Variants in CABCOCO1 observed in about 807,000 individuals in gnomAD.
CABCOCO1 encodes the protein ciliary associated calcium binding coiled-coil 1, also known as ciliary-associated calcium-binding coiled-coil protein 1.
A neutral mutation model predicts 35.7 loss-of-function variants in CABCOCO1; 28 were observed. That is an observed-to-expected ratio of 0.78 (90% CI 0.58 to 1.07). The LOEUF (loss-of-function observed/expected upper bound fraction) is 1.07. Ranked by LOEUF, CABCOCO1 falls within the 50% of genes least tolerant of loss-of-function variation. The probability of loss-of-function intolerance (pLI) is 0.00; values close to 1 mark genes in which losing one functional copy is unlikely to be tolerated. For missense variants in CABCOCO1, 326 were observed against 309.2 expected (o/e 1.05, Z -0.41); for synonymous variants, 95 against 100.1 (o/e 0.95, Z 0.30).
intron 2 of CABCOCO1, among the ~76,000 whole-genome samples, chr10:61,680,590 T>TATAC (rs1839715911): frequency 1.9e-5 from 1 of 53,394 alleles, no homozygotes; most frequent in Non-Finnish European, 3.8e-5. Flanking sequence ...ATATATAACA[T>TATAC]ATGTTATACA....
intron 5 of CABCOCO1, among the ~76,000 whole-genome samples, chr10:61,755,732 C>T (rs1390256471): frequency 6.6e-6 from 1 of 151,906 alleles, no homozygotes; most frequent in Non-Finnish European, 1.5e-5. Context: ...ACACTACACA[C>T]AAATCACTAT....
At chr10:61,744,468 G>A (rs1245552222) in intron 5 of CABCOCO1, among the ~76,000 whole-genome samples, 4 of 152,030 alleles carry the variant, frequency 2.6e-5, no homozygotes, top group African/African-American at 9.7e-5. Context: ...TTTACACTTT[G>A]TTTAAGCAAA....
chr10:61,688,964 G>A (rs982592209), intron 4 of CABCOCO1, among the ~76,000 whole-genome samples: 1 of 152,126 alleles, frequency 6.6e-6, no homozygotes, highest in Non-Finnish European at 1.5e-5. Flanking sequence ...TTTGACCACC[G>A]CATACAAATC....
intron 5 of CABCOCO1, among the ~76,000 whole-genome samples, chr10:61,732,790 A>T (rs1334869369): frequency 3.3e-5 from 5 of 152,082 alleles, no homozygotes; most frequent in Non-Finnish European, 7.4e-5. Flanking sequence ...GATTACAAGT[A>T]CTTTTATATT....
At chr10:61,736,833 A>C (rs1295828358) in intron 5 of CABCOCO1, among the ~76,000 whole-genome samples, 1 of 152,006 alleles carries the variant, frequency 6.6e-6, no homozygotes, top group Admixed American at 6.6e-5. Context: ...GTGTTTTGTA[A>C]TTCTCATTGC....
chr10:61,667,300 T>C (rs1380066671), intron 1 of CABCOCO1, among the ~76,000 whole-genome samples: 1 of 150,696 alleles, frequency 6.6e-6, no homozygotes, highest in Non-Finnish European at 1.5e-5. Context: ...TTGGATTCTT[T>C]ATGCTTTTCC....
At chr10:61,701,764 A>ATTTGACATT (rs1205522272) in intron 5 of CABCOCO1, 325 of 985,210 alleles carry the variant, frequency 3.3e-4, no homozygotes, top group Non-Finnish European at 3.8e-4. Context: ...ACATTTTCAA[A>ATTTGACATT]TCAAAATGTT....
chr10:61,696,056 T>C (rs1318114819), intron 5 of CABCOCO1, among the ~76,000 whole-genome samples: 1 of 152,130 alleles, frequency 6.6e-6, no homozygotes, highest in Non-Finnish European at 1.5e-5. Context: ...GATAGATCTA[T>C]CGATGAATCT....
chr10:61,733,117 T>A (rs1589146226), intron 5 of CABCOCO1, among the ~76,000 whole-genome samples: 1 of 152,094 alleles, frequency 6.6e-6, no homozygotes, highest in East Asian at 1.9e-4. Context: ...ACCATTTACA[T>A]ATGCTTTTTA....
chr10:61,698,904 G>C (rs1312674409), intron 5 of CABCOCO1, among the ~76,000 whole-genome samples: 2 of 152,082 alleles, frequency 1.3e-5, no homozygotes, highest in African/African-American at 2.4e-5. Context: ...TTTTGGAAAC[G>C]AGGAAGGCAA....
intron 5 of CABCOCO1, among the ~76,000 whole-genome samples, chr10:61,694,261 G>C (rs756423742): frequency 6.1e-5 from 9 of 147,860 alleles, no homozygotes; most frequent in Non-Finnish European, 1.0e-4. Flanking sequence ...GAAGATGGAG[G>C]AAGAGGCCAC....
chr10:61,682,248 G>A (rs1269170354), intron 3 of CABCOCO1, among the ~76,000 whole-genome samples: 1 of 151,980 alleles, frequency 6.6e-6, no homozygotes, highest in African/African-American at 2.4e-5. Context: ...TAAAACCTGA[G>A]CAGGATCCAT....
rs750121888 is a variant in CABCOCO1 at position 61,765,988 on chromosome 10, G to A, written c.866G>A (p.Arg289Gln). ...ATACAGGAAGAGGCCTTTAATGCACGAATAGAAAAATTGAAAAAGGCCTAA... is the reference window on the plus strand; with the variant it reads ...ATACAGGAAGAGGCCTTTAATGCACAAATAGAAAAATTGAAAAAGGCCTAA... ...LQIQEEAFNA[R>Q]IEKLKKA Residue 289 changes from arginine to glutamine, a missense_variant, in exon 8 of 8, where the codon CGA becomes CAA. Physicochemically the swap from Arg to Gln is conservative, Grantham distance 43. Coordinates refer to ENST00000648843, the MANE Select transcript of CABCOCO1 (RefSeq NM_001366906.2). The A allele has an allele frequency of 1.4e-5, 23 of 1,613,090 alleles. No individual in the cohort carries two copies. The highest frequency in any genetic ancestry group is 1.2e-4 in the African/African-American group (9 of 74,900).
At chr10:61,682,966 C>A (rs1358164735) in intron 3 of CABCOCO1, among the ~76,000 whole-genome samples, 1 of 146,880 alleles carries the variant, frequency 6.8e-6, no homozygotes, top group East Asian at 2.0e-4. Flanking sequence ...TCTTTGCTCA[C>A]TGCAACCTCC....
intron 5 of CABCOCO1, among the ~76,000 whole-genome samples, chr10:61,722,878 A>G (rs557738289): frequency 1.3e-5 from 2 of 152,318 alleles, no homozygotes; most frequent in African/African-American, 4.8e-5. Context: ...ACCAATACCT[A>G]TGGAAGAAAA....
chr10:61,738,066 A>C (rs1170365478), intron 5 of CABCOCO1, among the ~76,000 whole-genome samples: 4 of 151,042 alleles, frequency 2.6e-5, no homozygotes, highest in Admixed American at 6.6e-5. Flanking sequence ...AAAAAAAAAA[A>C]AACAAAGACA....
At chr10:61,665,016 C>T (rs1305034585) in intron 1 of CABCOCO1, among the ~76,000 whole-genome samples, 1 of 152,126 alleles carries the variant, frequency 6.6e-6, no homozygotes, top group Non-Finnish European at 1.5e-5. Flanking sequence ...GCCAGTAGCC[C>T]ATGTAGTCAA....
At chr10:61,672,404 C>G (rs867244570) in intron 1 of CABCOCO1, among the ~76,000 whole-genome samples, 3 of 152,272 alleles carry the variant, frequency 2.0e-5, no homozygotes, top group South Asian at 2.1e-4. Flanking sequence ...AAAACCATCA[C>G]CCAGTTGTAC....
chr10:61,730,783 C>T (rs994921470), intron 5 of CABCOCO1, among the ~76,000 whole-genome samples: 3 of 151,942 alleles, frequency 2.0e-5, no homozygotes, highest in Non-Finnish European at 4.4e-5. Context: ...GTTTCCTCCT[C>T]ATATACTGCA....
Sources: allele counts gnomAD v4.1 joint callset (sites outside exome capture counted in the v4.1 genomes callset), GRCh38; gene constraint gnomAD v4.1.1; transcripts MANE v1.5; gene names NCBI Gene and HGNC (gene_info 2026-07-23, HGNC 2026-07-21).